UXS1: variants seen among roughly 807,000 people sequenced by gnomAD.
The protein encoded by UXS1 is UDP-glucuronic acid decarboxylase 1.
In UXS1, 33 loss-of-function variants were observed where a neutral mutation model predicts 62.6. The observed-to-expected ratio is 0.53, with a 90% CI of 0.40 to 0.70. The LOEUF (loss-of-function observed/expected upper bound fraction) is 0.70, where lower values mean the gene tolerates loss of function less well. Ranked by LOEUF, UXS1 falls within the 30% of genes least tolerant of loss-of-function variation. The pLI, the probability that UXS1 is intolerant of heterozygous loss-of-function variation, is 0.00. For missense variants in UXS1, 434 were observed against 556.3 expected, an observed-to-expected ratio of 0.78 and a Z score of 2.21; for synonymous variants, 213 against 206.8, an observed-to-expected ratio of 1.03 and a Z score of -0.26.
intron 10 of UXS1, among the ~76,000 whole-genome samples, chr2:106,106,465 T>C (rs779923167): frequency 6.6e-6 from 1 of 152,052 alleles, no homozygotes; most frequent in Non-Finnish European, 1.5e-5. Context: ...TTAATAAACA[T>C]TTATATGCCA....
chr2:106,097,046 C>A, intron 13 of UXS1: 1 of 662,986 alleles, frequency 1.5e-6, no homozygotes, highest in South Asian at 1.5e-5. Flanking sequence ...TGTGCAGGCG[C>A]CCAGCAAGAG....
At chr2:106,162,718 T>C (rs919048461) in intron 4 of UXS1, among the ~76,000 whole-genome samples, 2 of 152,228 alleles carry the variant, frequency 1.3e-5, no homozygotes, top group Admixed American at 6.5e-5. Flanking sequence ...TAAAAATTAC[T>C]GACAACTTTT....
intron 5 of UXS1, among the ~76,000 whole-genome samples, chr2:106,146,760 A>AG (rs1681605200): frequency 8.5e-6 from 1 of 118,058 alleles, no homozygotes; most frequent in African/African-American, 3.2e-5. Flanking sequence ...GGTGACAGAG[A>AG]AGACTCCATC....
intron 1 of UXS1, among the ~76,000 whole-genome samples, chr2:106,192,496 G>A (rs1016366948): frequency 6.6e-6 from 1 of 150,952 alleles, no homozygotes; most frequent in African/African-American, 2.4e-5. Context: ...GGAGCGTGCA[G>A]TGAGCCGAGA....
intron 1 of UXS1, among the ~76,000 whole-genome samples, chr2:106,167,333 G>A (rs575619323): frequency 1.3e-3 from 203 of 152,244 alleles, no homozygotes; most frequent in Admixed American, 2.9e-3. Context: ...GTGCTTCCAG[G>A]TGCCGAGGAA....
chr2:106,164,761 A>AG lies in UXS1; in HGVS notation c.160dup (p.Leu54ProfsTer4). 1 of 1,590,288 alleles carries AG rather than the reference A, an allele frequency of 6.3e-7. No homozygotes were observed. Among genetic ancestry groups the AG allele is most frequent in the Non-Finnish European group, 8.6e-7 (1 of 1,167,584 alleles). On this transcript the variant is annotated frameshift_variant, in exon 3 of 15. Coordinates refer to ENST00000283148, the MANE Select transcript of UXS1 (RefSeq NM_001253875.2). LOFTEE classifies it high-confidence loss of function. ...CTCTTCAATCTTGCTTTCAATTTTT[A>AG]GTTCACCATTTTCCTGGATAGACCT... is the stretch of plus-strand genomic sequence containing the variant.
At chr2:106,139,391 T>A (rs1042985299) in intron 6 of UXS1, among the ~76,000 whole-genome samples, 1 of 152,160 alleles carries the variant, frequency 6.6e-6, no homozygotes, top group Non-Finnish European at 1.5e-5. Context: ...AGTGGCTGGG[T>A]GAGGGCACAG....
At position 106,194,149 on chromosome 2, in the gene UXS1, G is replaced by A. The variant is rs1311471309; in HGVS notation, c.93C>T (p.Ala31=). ...LLGIALLAYV[A]SVWGNFVNMS... is the part of the protein sequence containing the mutation. ...AGCTGGCAGCGGGCGCGCACTCACA[G>A]GCGACGTAGGCCAGCAAGGCGATGC... Residue 31 remains alanine (A), a splice_region_variant and synonymous_variant, in exon 1 of 15, where the codon GCC becomes GCT. Transcript: ENST00000283148. 2.5e-5 allele frequency: 37 copies of A among 1,479,120 alleles called. No individual in the cohort carries two copies. Among genetic ancestry groups the A allele is most frequent in the Non-Finnish European group, 3.1e-5 (35 of 1,113,500 alleles). 91.6% of individuals were successfully genotyped at this position (1,479,120 alleles called of 1,614,324 possible). A position where few individuals can be genotyped will look rare whatever the true frequency, so the allele number is the denominator to read the frequency against.
intron 13 of UXS1, among the ~76,000 whole-genome samples, 163 bp downstream of exon 13, chr2:106,098,553 T>C (rs1313523846): frequency 6.6e-6 from 1 of 152,218 alleles, no homozygotes; most frequent in Non-Finnish European, 1.5e-5. Context: ...TTTATCTTTC[T>C]ATTCCTTAAA....
intron 11 of UXS1, 65 bp downstream of exon 11, chr2:106,104,729 G>C (rs147064336): frequency 3.1e-6 from 5 of 1,592,548 alleles, no homozygotes; most frequent in Non-Finnish European, 4.3e-6. Context: ...TGAACTGTCT[G>C]TCAAGTTGGC....
intron 3 of UXS1, among the ~76,000 whole-genome samples, chr2:106,164,110 A>G (rs1438818044): frequency 1.3e-5 from 2 of 152,332 alleles, no homozygotes; most frequent in East Asian, 3.9e-4. Flanking sequence ...CAGCTGCAGC[A>G]CATAAATTGC....
intron 6 of UXS1, among the ~76,000 whole-genome samples, chr2:106,129,986 T>C (rs1287773516): frequency 1.3e-5 from 2 of 152,256 alleles, no homozygotes; most frequent in Non-Finnish European, 2.9e-5. Context: ...CAAAAACATG[T>C]GCTGGGTCAG....
intron 9 of UXS1, among the ~76,000 whole-genome samples, chr2:106,113,070 T>A (rs928980125): frequency 6.6e-5 from 10 of 152,084 alleles, no homozygotes; most frequent in African/African-American, 1.9e-4. Flanking sequence ...ATTTATATAA[T>A]TTTTTTTCCC....
chr2:106,153,485 C>T (rs889476004), intron 5 of UXS1, among the ~76,000 whole-genome samples: 3 of 151,464 alleles, frequency 2.0e-5, no homozygotes, highest in Admixed American at 6.6e-5. Flanking sequence ...GTGGCGGGGA[C>T]GGAATAGGAA....
At chr2:106,105,438 C>A (rs903597484) in intron 10 of UXS1, among the ~76,000 whole-genome samples, 1 of 152,146 alleles carries the variant, frequency 6.6e-6, no homozygotes, top group South Asian at 2.1e-4. Context: ...TGCACATTTG[C>A]TCCACACTTC....
rs368939786 is a variant in UXS1, at chr2:106,138,765, T to A, written c.472+6425A>T. The A allele has an allele frequency of 1.0e-5, 10 of 985,304 alleles. No individual in the cohort carries two copies. The East Asian group carries it at 1.1e-3, about 112-fold the overall frequency. The allele number at this position is 985,304 out of a possible 1,614,324, so 61.0% of individuals were successfully genotyped here. A position where few individuals can be genotyped will look rare whatever the true frequency, so the allele number is the denominator to read the frequency against. On this transcript the variant is annotated intron_variant, in intron 6 of 14. Transcript: ENST00000283148. ...TCAGTTAAGTAGCGGCACTGCTGCA[T>A]CCTCCCATTTGAGAGGAAACTGAAA...
At chr2:106,178,829 C>A (rs1466407828) in intron 1 of UXS1, among the ~76,000 whole-genome samples, 1 of 151,980 alleles carries the variant, frequency 6.6e-6, no homozygotes, top group Admixed American at 6.6e-5. Flanking sequence ...TGAGCACACC[C>A]AGTGCCCCCC....
chr2:106,099,058 A>T (rs1677368080), intron 12 of UXS1, among the ~76,000 whole-genome samples: 1 of 152,258 alleles, frequency 6.6e-6, no homozygotes, highest in Non-Finnish European at 1.5e-5. Context: ...CTCACTGAGT[A>T]TCAGACAATT....
At chr2:106,103,974 A>C (rs1333751959) in intron 11 of UXS1, among the ~76,000 whole-genome samples, 3 of 152,184 alleles carry the variant, frequency 2.0e-5, no homozygotes, top group Non-Finnish European at 2.9e-5. Context: ...CCCGACCTGC[A>C]CAACAGCCAC....
Sources: allele counts gnomAD v4.1 joint callset (sites outside exome capture counted in the v4.1 genomes callset), GRCh38; gene constraint gnomAD v4.1.1; transcripts MANE v1.5; gene names NCBI Gene and HGNC (gene_info 2026-07-23, HGNC 2026-07-21).